The following FRMD8 variants were observed in gnomAD, a reference collection of about 807,000 sequenced individuals.
The protein encoded by FRMD8 is FERM domain-containing protein 8.
FRMD8 carries 37 observed loss-of-function variants against 54.2 expected under a neutral mutation model. The ratio of observed to expected loss-of-function variants is 0.68; its 90% CI spans 0.53 to 0.90. The LOEUF is 0.90. FRMD8 is among the 40% of genes least tolerant of loss of function. The pLI, the probability that FRMD8 is intolerant of heterozygous loss-of-function variation, is 0.00. For synonymous variants in FRMD8, 246 were observed against 286.9 expected (o/e 0.86, Z 1.44); for missense variants, 585 against 653.7 (o/e 0.89, Z 1.15).
At chr11:65,411,186 G>C in intron 10 of FRMD8, 56 bp from the exon 11 acceptor site, 3 of 1,425,610 alleles carry the variant, frequency 2.1e-6, no homozygotes. Context: ...CTGGGCCTGA[G>C]CCCCCTCACA....
chr11:65,380,130 A>C, the FRMD8 span: 16 of 1,613,648 alleles, frequency 9.9e-6, no homozygotes, highest in Non-Finnish European at 1.4e-5. Context: ...TCCTAAACTC[A>C]CCTTTACAGT....
chr11:65,372,693 C>T, the FRMD8 span, among the ~76,000 whole-genome samples: 1 of 152,300 alleles, frequency 6.6e-6, no homozygotes, highest in South Asian at 2.1e-4. Flanking sequence ...CAGAGGGGCA[C>T]CCAAATGGGA....
Position 65,411,336 on chromosome 11 carries a change from C to T in FRMD8, c.1371C>T (p.Pro457=), listed in dbSNP as rs529038057. The change falls in exon 11 of 11, where the codon CCC becomes CCT. Residue 457 remains proline, a synonymous_variant. Coordinates refer to ENST00000317568, the MANE Select transcript of FRMD8 (RefSeq NM_031904.5). The part of the protein sequence containing the change: ...LGQGSYTVVQ[P]GDSLEQG ...AGGGGAGCTACACCGTGGTGCAGCC[C>T]GGCGACAGCCTGGAGCAGGGCTGAG... 5.9e-5 allele frequency: 95 copies of T among 1,603,180 alleles called. No homozygotes were observed. The highest frequency in any genetic ancestry group is 1.8e-4 in the South Asian group (16 of 89,390).
upstream of FRMD8, chr11:65,381,880 G>A (rs1184474015): frequency 1.2e-6 from 2 of 1,613,414 alleles, no homozygotes; most frequent in Non-Finnish European, 1.7e-6. Flanking sequence ...CCTACCATTG[G>A]GTGTGATGTG....
chr11:65,373,777 A>G, the FRMD8 span, among the ~76,000 whole-genome samples: 1 of 152,054 alleles, frequency 6.6e-6, no homozygotes, highest in African/African-American at 2.4e-5. Flanking sequence ...TGGTAGATAC[A>G]AGGTCTCACT....
chr11:65,386,225 C>A (rs544436262), upstream of FRMD8, among the ~76,000 whole-genome samples: 9 of 152,304 alleles, frequency 5.9e-5, no homozygotes, highest in Middle Eastern at 3.4e-3. Flanking sequence ...CAGGATGAGT[C>A]TGGGCCAGGA....
the FRMD8 span, among the ~76,000 whole-genome samples, chr11:65,371,078 C>T: frequency 1.3e-5 from 2 of 152,110 alleles, no homozygotes; most frequent in African/African-American, 4.8e-5. Flanking sequence ...GGATGTGTGA[C>T]CAGAGACAGC....
chr11:65,394,901 C>T (rs1356272019), intron 6 of FRMD8, among the ~76,000 whole-genome samples: 1 of 152,214 alleles, frequency 6.6e-6, no homozygotes, highest in African/African-American at 2.4e-5. Context: ...CCTGCCAAAG[C>T]CCAGGCCGGT....
intron 10 of FRMD8, among the ~76,000 whole-genome samples, chr11:65,406,055 T>C (rs1856188986): frequency 6.6e-6 from 1 of 151,620 alleles, no homozygotes; most frequent in Non-Finnish European, 1.5e-5. Context: ...TGAGACGGAG[T>C]CTCACTCTGT....
intron 2 of FRMD8, among the ~76,000 whole-genome samples, chr11:65,389,087 G>T (rs778338541): frequency 4.6e-5 from 7 of 152,162 alleles, no homozygotes; most frequent in Non-Finnish European, 1.0e-4. Flanking sequence ...GGGGGATTGC[G>T]GTGGGGCTGG....
Position 65,388,026 on chromosome 11 carries a change from T to C in FRMD8, c.85+905T>C, listed in dbSNP as rs140915581. The stretch of plus-strand genomic sequence containing the variant: ...ACTAAAAATGCAAATTAGCTGGGCG[T>C]GGTGGCACATGCCTGTAATCCCAGC... On this transcript the variant is annotated intron_variant, in intron 2 of 10. Transcript: ENST00000317568. 3.1e-3 allele frequency among the ~76,000 whole-genome samples: 472 copies of C among 152,122 alleles called. 4 individuals are homozygous for C. Among genetic ancestry groups the C allele is most frequent in the African/African-American group, 0.011 (450 of 41,530 alleles).
At chr11:65,376,758 G>A in the FRMD8 span, 23 of 1,613,876 alleles carry the variant, frequency 1.4e-5, no homozygotes, top group Admixed American at 8.3e-5. Flanking sequence ...CCCAGTCCCC[G>A]CTGGACCCTG....
chr11:65,409,727 C>T (rs893373454), intron 10 of FRMD8, among the ~76,000 whole-genome samples: 7 of 151,170 alleles, frequency 4.6e-5, no homozygotes, highest in African/African-American at 1.5e-4. Flanking sequence ...GATCACAACA[C>T]TGCAGTCCAG....
At chr11:65,401,161 C>T (rs1417981389) in intron 9 of FRMD8, among the ~76,000 whole-genome samples, 3 of 152,102 alleles carry the variant, frequency 2.0e-5, no homozygotes, top group African/African-American at 7.2e-5. Context: ...GCACCCTCCC[C>T]TCCTGTCCCC....
chr11:65,382,042 C>A, upstream of FRMD8: 2 of 1,119,134 alleles, frequency 1.8e-6, no homozygotes, highest in Non-Finnish European at 2.7e-6. The surrounding 1 kb of genome is among the most constrained non-coding windows in gnomAD (Gnocchi z 4.4). Flanking sequence ...GATAACCTCC[C>A]ACTAATGTTT....
chr11:65,405,854 T>A (rs1368352278), intron 10 of FRMD8, among the ~76,000 whole-genome samples: 1 of 151,766 alleles, frequency 6.6e-6, no homozygotes, highest in Non-Finnish European at 1.5e-5. Flanking sequence ...TACTTAAACT[T>A]AGCTGAGCAC....
chr11:65,389,452 C>T lies in FRMD8; in HGVS notation c.177C>T (p.Arg59=), dbSNP rs144150822. The change falls in exon 3 of 11, where the codon CGC becomes CGT. Residue 59 remains arginine, a synonymous_variant. Coordinates refer to ENST00000317568, the MANE Select transcript of FRMD8 (RefSeq NM_031904.5). ...LPSLSAHELH[R]AVREVLQLPD... is the part of the protein sequence containing the mutation. ...CGCTCAGTGCCCATGAGCTGCACCGCGCTGTCCGCGAGGTCCTGCAGCTTC... is the reference window on the plus strand; with the variant it reads ...CGCTCAGTGCCCATGAGCTGCACCGTGCTGTCCGCGAGGTCCTGCAGCTTC... 9.1e-5 allele frequency: 147 copies of T among 1,609,586 alleles called. 1 individual carries two copies. Among genetic ancestry groups the T allele is most frequent in the Non-Finnish European group, 1.2e-4 (136 of 1,179,982 alleles).
chr11:65,384,455 T>TGTCA (rs1232134757), upstream of FRMD8, among the ~76,000 whole-genome samples: 3 of 151,326 alleles, frequency 2.0e-5, no homozygotes, highest in Non-Finnish European at 4.4e-5. Context: ...CACTCCCAGG[T>TGTCA]GTCAGTCTTT....
the FRMD8 span, chr11:65,380,313 C>G: frequency 3.8e-6 from 5 of 1,309,180 alleles, no homozygotes; most frequent in Non-Finnish European, 5.4e-6. Flanking sequence ...CACCTTCCTG[C>G]CAAGCTCTAG....
Sources: allele counts gnomAD v4.1 joint callset (sites outside exome capture counted in the v4.1 genomes callset), GRCh38; gene constraint gnomAD v4.1.1; non-coding constraint Gnocchi (gnomAD v3.1); transcripts MANE v1.5; gene names NCBI Gene and HGNC (gene_info 2026-07-23, HGNC 2026-07-21).